CTTNBP2: variants seen among roughly 807,000 people sequenced by gnomAD.
CTTNBP2 encodes the protein cortactin binding protein 2.
A neutral mutation model predicts 156.9 loss-of-function variants in CTTNBP2; 108 were observed. The ratio of observed to expected loss-of-function variants is 0.69; its 90% CI spans 0.59 to 0.81. CTTNBP2 has a LOEUF of 0.81. CTTNBP2 is among the 30% of genes least tolerant of loss of function. CTTNBP2 has a pLI of 0.00. For synonymous variants in CTTNBP2, 767 were observed against 751.8 expected (o/e 1.02, Z -0.33); for missense variants, 1,924 against 2,035.4 (o/e 0.95, Z 1.05).
intron 1 of CTTNBP2, among the ~76,000 whole-genome samples, chr7:117,872,910 G>A (rs1408221503): frequency 6.6e-6 from 1 of 152,146 alleles, no homozygotes; most frequent in Admixed American, 6.5e-5. Context: ...AGCGGTACCA[G>A]GCACCCCCGA....
At chr7:117,761,303 T>A (rs1219706061) in intron 9 of CTTNBP2, among the ~76,000 whole-genome samples, 2 of 152,234 alleles carry the variant, frequency 1.3e-5, no homozygotes, top group Non-Finnish European at 1.5e-5. Context: ...TACATATTCT[T>A]ATGTGGTAAA....
intron 7 of CTTNBP2, among the ~76,000 whole-genome samples, chr7:117,778,860 C>T (rs1437249877): frequency 6.6e-6 from 1 of 151,888 alleles, no homozygotes; most frequent in East Asian, 1.9e-4. Flanking sequence ...CTTGACATAC[C>T]TTTTTCATGC....
chr7:117,758,412 G>GAA (rs771309620), intron 10 of CTTNBP2, among the ~76,000 whole-genome samples: 2 of 140,324 alleles, frequency 1.4e-5, no homozygotes, highest in Non-Finnish European at 3.1e-5. Context: ...TAGATTCCAG[G>GAA]AAAAAAAAAA....
chr7:117,724,783 C>A, intron 18 of CTTNBP2, 51 bp from the exon 19 acceptor site: 1 of 1,572,910 alleles, frequency 6.4e-7, no homozygotes. Flanking sequence ...CTGATTAAAG[C>A]AAAATACATT....
chr7:117,769,160 C>T (rs1251481882), intron 8 of CTTNBP2, among the ~76,000 whole-genome samples: 3 of 152,180 alleles, frequency 2.0e-5, no homozygotes, highest in Admixed American at 6.5e-5. Flanking sequence ...AAGGAGTATA[C>T]ATGAGTTCCA....
At chr7:117,789,205 A>G (rs577088169) in intron 4 of CTTNBP2, among the ~76,000 whole-genome samples, 1 of 152,292 alleles carries the variant, frequency 6.6e-6, no homozygotes, top group Non-Finnish European at 1.5e-5. Flanking sequence ...TCAGTCATAG[A>G]TCCTGGTTTT....
In CTTNBP2 at chr7:117,792,376, C is replaced by T; in HGVS notation, c.820G>A (p.Asp274Asn). The T allele has an allele frequency of 1.2e-6, 2 of 1,614,166 alleles. No homozygotes were observed. Among genetic ancestry groups the T allele is most frequent in the Non-Finnish European group, 1.7e-6 (2 of 1,180,042 alleles). Residue 274 changes from aspartate to asparagine, a missense_variant, in exon 4 of 23, where the codon GAC (aspartate) becomes AAC (asparagine). Physicochemically the swap from Asp to Asn is conservative, Grantham distance 23. Transcript: ENST00000160373. This position sits in a 1 kb window ranked among gnomAD's most constrained non-coding sequence, Gnocchi z 4.2. ...KMIEQLKRGS[D>N]SKPSLSLPRK... is the part of the protein sequence containing the mutation. ...GGAAGAGAGAGGCTTGGTTTGCTGT[C>T]ACTTCCCCTTTTCAGTTGCTCAATC...
intron 7 of CTTNBP2, among the ~76,000 whole-genome samples, chr7:117,780,004 C>T (rs12531909): frequency 0.086 from 13,029 of 152,208 alleles, 905 homozygotes; most frequent in East Asian, 0.34. Context: ...AGGTGATCCG[C>T]CCATCTCAGC....
Position 117,711,058 on chromosome 7 carries a change from T to C in CTTNBP2, c.*479A>G, listed in dbSNP as rs1040679864. 6 of 153,248 alleles carry C rather than the reference T, an allele frequency of 3.9e-5. No individual in the cohort carries two copies. Among genetic ancestry groups the C allele is most frequent in the Middle Eastern group, 3.4e-3 (1 of 294 alleles). 9.5% of individuals were successfully genotyped at this position (153,248 alleles called of 1,614,324 possible). A position where few individuals can be genotyped will look rare whatever the true frequency, so the allele number is the denominator to read the frequency against. On this transcript the variant is annotated 3_prime_UTR_variant, in exon 23 of 23. Transcript: ENST00000160373. ...TTAGAAATGATTTGTTATTGCCCCA[T>C]TCTAGTCATTCCCCATCAAGTGAAC...
chr7:117,868,890 C>G (rs1381786298), intron 1 of CTTNBP2, among the ~76,000 whole-genome samples: 2 of 152,244 alleles, frequency 1.3e-5, no homozygotes, highest in African/African-American at 2.4e-5. Flanking sequence ...AAATTGCAGA[C>G]TATTCTAAAG....
chr7:117,866,532 C>T (rs973414089), intron 1 of CTTNBP2, among the ~76,000 whole-genome samples: 3 of 152,118 alleles, frequency 2.0e-5, no homozygotes, highest in South Asian at 2.1e-4. Context: ...CAGGTTGTGC[C>T]TATTTTCCAT....
At chr7:117,842,723 C>G (rs1297176829) in intron 2 of CTTNBP2, among the ~76,000 whole-genome samples, 1 of 151,874 alleles carries the variant, frequency 6.6e-6, no homozygotes, top group Non-Finnish European at 1.5e-5. Context: ...TTCTGTATAA[C>G]ACAAAAAAGA....
chr7:117,784,922 A>G (rs1331535899), intron 4 of CTTNBP2, among the ~76,000 whole-genome samples: 3 of 152,214 alleles, frequency 2.0e-5, no homozygotes, highest in Non-Finnish European at 4.4e-5. Flanking sequence ...TTCTTTTTCA[A>G]CAAGGTTTCT....
intron 10 of CTTNBP2, among the ~76,000 whole-genome samples, chr7:117,759,746 A>G (rs1025275161): frequency 6.6e-6 from 1 of 152,218 alleles, no homozygotes; most frequent in Non-Finnish European, 1.5e-5. Flanking sequence ...GTAAAATGAC[A>G]CCACTGAAAG....
At chr7:117,741,433 A>C (rs1368132679) in intron 14 of CTTNBP2, among the ~76,000 whole-genome samples, 2 of 152,236 alleles carry the variant, frequency 1.3e-5, no homozygotes, top group East Asian at 1.9e-4. Flanking sequence ...TACATACAGA[A>C]TAAAAATCCT....
chr7:117,843,299 G>A (rs1802384275), intron 2 of CTTNBP2, among the ~76,000 whole-genome samples: 2 of 152,142 alleles, frequency 1.3e-5, no homozygotes, highest in Non-Finnish European at 2.9e-5. Flanking sequence ...CTGATGCTGA[G>A]GGATGACTAC....
chr7:117,746,436 C>T (rs1796335781), intron 12 of CTTNBP2, among the ~76,000 whole-genome samples: 1 of 152,162 alleles, frequency 6.6e-6, no homozygotes, highest in South Asian at 2.1e-4. Context: ...TTATCCTTTG[C>T]AGATGCTCTT....
intron 22 of CTTNBP2, among the ~76,000 whole-genome samples, chr7:117,717,536 A>C (rs1272143986): frequency 6.6e-6 from 1 of 152,154 alleles, no homozygotes; most frequent in Non-Finnish European, 1.5e-5. Context: ...GCATGATGAA[A>C]TCTTGCACCA....
chr7:117,791,506 T>C lies in CTTNBP2; in HGVS notation c.1690A>G (p.Lys564Glu). The C allele has an allele frequency of 6.2e-7, 1 of 1,613,918 alleles. No individual in the cohort carries two copies. Among genetic ancestry groups the C allele is most frequent in the Non-Finnish European group, 8.5e-7 (1 of 1,179,826 alleles). ...GCCCTGCTGCTGTCTATAATAACCTTGAGTTGGGGGTGTGGTGGAGAAGGA... is the reference window on the plus strand; with the variant it reads ...GCCCTGCTGCTGTCTATAATAACCTCGAGTTGGGGGTGTGGTGGAGAAGGA... The part of the protein sequence containing the change: ...QTPSPPHPQL[K>E]VIIDSSRASN... The change falls in exon 4 of 23, where the codon AAG becomes GAG. Residue 564 changes from lysine (K) to glutamate (E), a missense_variant. Coordinates refer to ENST00000160373, the MANE Select transcript of CTTNBP2 (RefSeq NM_033427.3).
Sources: gnomAD v4.1 joint callset for allele counts (sites outside exome capture counted in the v4.1 genomes callset) on GRCh38, gnomAD v4.1.1 for gene constraint, Gnocchi (gnomAD v3.1) non-coding constraint, MANE v1.5 for transcripts, NCBI Gene and HGNC (gene_info 2026-07-23, HGNC 2026-07-21) for gene names.